RFTN1: variants seen among roughly 807,000 people sequenced by gnomAD.
RFTN1 encodes the protein raftlin.
A neutral mutation model predicts 46.5 loss-of-function variants in RFTN1; 26 were observed. The ratio of observed to expected loss-of-function variants is 0.56; its 90% confidence interval spans 0.41 to 0.78. The LOEUF is 0.78. Ranked by LOEUF, RFTN1 falls within the 30% of genes least tolerant of loss-of-function variation. RFTN1 has a pLI of 0.00. For missense variants in RFTN1, 693 were observed against 718.7 expected (o/e 0.96, Z 0.41); for synonymous variants, 261 against 284.2 (o/e 0.92, Z 0.82).
Position 16,452,099 on chromosome 3 carries a change from G to A in RFTN1, c.146-18062C>T, listed in dbSNP as rs904463198. Among the ~76,000 whole-genome samples, 1 of 152,122 alleles carries A rather than the reference G, an allele frequency of 6.6e-6. No homozygotes were observed. ...ATTTCACCATGCTACTCAGAATAGT[G>A]AGTAATTGAAAACTTATGCATTATT... is the stretch of plus-strand genomic sequence containing the variant. On this transcript the variant is annotated intron_variant, in intron 2 of 9. Coordinates refer to ENST00000334133, the MANE Select transcript of RFTN1 (RefSeq NM_015150.2). This position sits in a 1 kb window ranked among gnomAD's most constrained non-coding sequence, Gnocchi z 6.3.
In RFTN1 at chr3:16,458,010, A is replaced by G. The variant is rs1325428591; in HGVS notation, c.146-23973T>C. The stretch of plus-strand genomic sequence containing the variant: ...CTGGAGGATGCAAAAACAAGTCACT[A>G]TCTTGGAAGTGGAGATCAGCCCTCA... On this transcript the variant is annotated intron_variant, in intron 2 of 9. Coordinates refer to ENST00000334133, the MANE Select transcript of RFTN1 (RefSeq NM_015150.2). The surrounding 1 kb of genome is among the most constrained non-coding windows in gnomAD (Gnocchi z 5.1). 2.0e-5 allele frequency among the ~76,000 whole-genome samples: 3 copies of G among 152,186 alleles called. No homozygotes were observed. The highest frequency in any genetic ancestry group is 2.9e-5 in the Non-Finnish European group (2 of 68,022).
chr3:16,467,191 G>A (rs1005179322), intron 2 of RFTN1, among the ~76,000 whole-genome samples: 3 of 152,164 alleles, frequency 2.0e-5, no homozygotes, highest in African/African-American at 7.2e-5. Context: ...TGAAACAGAC[G>A]GATGCATAGA....
At position 16,403,016 on chromosome 3, in the gene RFTN1, G is replaced by A. The variant is rs1056597825; in HGVS notation, c.441+6359C>T. Among the ~76,000 whole-genome samples the A allele has an allele frequency of 2.6e-5, 4 of 152,166 alleles. No homozygotes were observed. The East Asian group carries it at 5.8e-4, about 22-fold the overall frequency. On this transcript the variant is annotated intron_variant, in intron 4 of 9. Transcript: ENST00000334133. ...TCTTATCTGGACAAGGGCAGGGAGC[G>A]TGGCTTTCTCCCGCAGGCAGGACGA...
intron 5 of RFTN1, chr3:16,371,030 C>T (rs2125362797): frequency 6.6e-6 from 1 of 152,356 alleles, no homozygotes; most frequent in African/African-American, 2.4e-5. Flanking sequence ...CAGTAGCAGC[C>T]TCCAGAAGCA....
chr3:16,375,368 A>G (rs1259638755), intron 5 of RFTN1, among the ~76,000 whole-genome samples: 1 of 151,984 alleles, frequency 6.6e-6, no homozygotes, highest in Non-Finnish European at 1.5e-5. Context: ...TGATAAAGAA[A>G]TTTAACTATA....
chr3:16,505,424 C>T (rs935658592), intron 1 of RFTN1, among the ~76,000 whole-genome samples: 2 of 152,244 alleles, frequency 1.3e-5, no homozygotes, highest in South Asian at 4.2e-4. Context: ...TCCAGAGAAA[C>T]AAAACCAGTC....
chr3:16,437,348 T>C (rs138817401), intron 2 of RFTN1, among the ~76,000 whole-genome samples: 2 of 152,188 alleles, frequency 1.3e-5, no homozygotes, highest in East Asian at 3.9e-4. Context: ...AGTCCAGCCA[T>C]AGAAGTACTA....
Position 16,345,264 on chromosome 3 carries a change from TTGTG to T in RFTN1, c.1146+12664_1146+12667del, listed in dbSNP as rs10703577. On this transcript the variant is annotated intron_variant, in intron 7 of 9. Coordinates refer to ENST00000334133, the MANE Select transcript of RFTN1 (RefSeq NM_015150.2). This position sits in a 1 kb window ranked among gnomAD's most constrained non-coding sequence, Gnocchi z 5.2. The stretch of plus-strand genomic sequence containing the variant: ...AAACTGTAAGATAATAAGTAGGTGG[TTGTG>T]TGTGTGTGTGTGTGTGTGTGTGTGT... 0.35 allele frequency: 50,292 copies of T among 145,666 alleles called. 9,413 individuals carry two copies. Among genetic ancestry groups the T allele is most frequent in the East Asian group, 0.44 (2,201 of 4,970 alleles). 9.0% of individuals were successfully genotyped at this position (145,666 alleles called of 1,614,324 possible).
In RFTN1 at chr3:16,474,138, A is replaced by C. The variant is rs140981503; in HGVS notation, c.145+19587T>G. Among the ~76,000 whole-genome samples, 1 of 152,182 alleles carries C rather than the reference A, an allele frequency of 6.6e-6. No homozygotes were observed. The highest frequency in any genetic ancestry group is 2.4e-5 in the African/African-American group (1 of 41,440). Reference sequence around the variant, plus strand: ...TGCATTTGGTATAAAAATAGCTATCATTTACTGAGAATTATCTAGGGGTCT... The same window carrying C: ...TGCATTTGGTATAAAAATAGCTATCCTTTACTGAGAATTATCTAGGGGTCT... On this transcript the variant is annotated intron_variant, in intron 2 of 9. Coordinates refer to ENST00000334133, the MANE Select transcript of RFTN1 (RefSeq NM_015150.2). This position sits in a 1 kb window ranked among gnomAD's most constrained non-coding sequence, Gnocchi z 5.5.
intron 8 of RFTN1, among the ~76,000 whole-genome samples, chr3:16,326,042 A>C (rs914644211): frequency 6.6e-6 from 1 of 152,238 alleles, no homozygotes; most frequent in Non-Finnish European, 1.5e-5. Flanking sequence ...TATGTGACCA[A>C]GCCTCCCCTA....
intron 4 of RFTN1, among the ~76,000 whole-genome samples, chr3:16,391,869 GTTTTTTT>G (rs576052890): frequency 1.7e-5 from 1 of 57,726 alleles, no homozygotes; most frequent in African/African-American, 3.6e-5. Flanking sequence ...TTTTTTTTTT[GTTTTTTT>G]TTTTTGTTTT....
chr3:16,396,630 T>G (rs1313326848), intron 4 of RFTN1, among the ~76,000 whole-genome samples: 2 of 152,162 alleles, frequency 1.3e-5, no homozygotes, highest in African/African-American at 4.8e-5. Context: ...TCATTGAGGA[T>G]TAGAAAACAC....
rs985511902 is a variant in RFTN1, at chr3:16,382,841, A to G, written c.442-4739T>C. 3.3e-5 allele frequency among the ~76,000 whole-genome samples: 5 copies of G among 152,142 alleles called. No individual in the cohort carries two copies. Among genetic ancestry groups the G allele is most frequent in the African/African-American group, 1.2e-4 (5 of 41,426 alleles). On this transcript the variant is annotated intron_variant, in intron 4 of 9. Transcript: ENST00000334133. This position sits in a 1 kb window ranked among gnomAD's most constrained non-coding sequence, Gnocchi z 4.7. ...CCCTCATCATCTGTTGCTGGACATC[A>G]CCATGACCTCAGGCGATGCCAGGGT... is the stretch of plus-strand genomic sequence containing the variant.
intron 1 of RFTN1, among the ~76,000 whole-genome samples, chr3:16,495,607 T>C (rs931969324): frequency 6.6e-6 from 1 of 152,106 alleles, no homozygotes; most frequent in Non-Finnish European, 1.5e-5. Context: ...TTTGATGACG[T>C]AGAGATGGAG....
At chr3:16,503,000 C>G (rs561873795) in intron 1 of RFTN1, among the ~76,000 whole-genome samples, 1 of 152,154 alleles carries the variant, frequency 6.6e-6, no homozygotes, top group Admixed American at 6.5e-5. Flanking sequence ...GACTCTTCAG[C>G]GGCCAAGTTT....
rs1018390827 is a variant in RFTN1, at chr3:16,361,438, G to C, written c.1031-3391C>G. Among the ~76,000 whole-genome samples the C allele has an allele frequency of 6.6e-6, 1 of 152,154 alleles. No individual in the cohort carries two copies. The highest frequency in any genetic ancestry group is 1.5e-5 in the Non-Finnish European group (1 of 68,022). On this transcript the variant is annotated intron_variant, in intron 6 of 9. Coordinates refer to ENST00000334133, the MANE Select transcript of RFTN1 (RefSeq NM_015150.2). This position sits in a 1 kb window ranked among gnomAD's most constrained non-coding sequence, Gnocchi z 4.3. Reference sequence around the variant, plus strand: ...ATCATGTCAGAGGTGATACATGCTAGAAAAATACTAAGTGGGCCAAGGGGA... The same window carrying C: ...ATCATGTCAGAGGTGATACATGCTACAAAAATACTAAGTGGGCCAAGGGGA...
Position 16,433,894 on chromosome 3 carries a change from G to T in RFTN1, c.289C>A (p.Leu97Met). ...AGGATGGCTCTAAAGATGTGCTCCA[G>T]GGGCGTCTTCTCCCGCTCATGGGTG... Reference protein sequence around the residue: ...QPTHEREKTPLEHIFRAILIK... With the variant: ...QPTHEREKTPMEHIFRAILIK... The change falls in exon 3 of 10, where the codon CTG becomes ATG. Residue 97 changes from leucine (L) to methionine (M), a missense_variant. Leu to Met is a conservative substitution (Grantham distance 15). Coordinates refer to ENST00000334133, the MANE Select transcript of RFTN1 (RefSeq NM_015150.2). This position sits in a 1 kb window ranked among gnomAD's most constrained non-coding sequence, Gnocchi z 4.4. The T allele has an allele frequency of 6.2e-7, 1 of 1,614,202 alleles. No individual in the cohort carries two copies. The highest frequency in any genetic ancestry group is 8.5e-7 in the Non-Finnish European group (1 of 1,180,030).
At position 16,511,755 on chromosome 3, in the gene RFTN1, A is replaced by C. The variant is rs574315163; in HGVS notation, c.-9+1687T>G. The stretch of plus-strand genomic sequence containing the variant: ...CCCTACAGACAAAGCAATTATTTGA[A>C]TGTAAGCCAAAAATTCCTGCTCAAG... On this transcript the variant is annotated intron_variant, in intron 1 of 9. Transcript: ENST00000334133. Among the ~76,000 whole-genome samples, 20 of 152,162 alleles carry C rather than the reference A, an allele frequency of 1.3e-4. No individual in the cohort carries two copies. In the South Asian group the frequency reaches 3.1e-3, roughly 24 times the overall value.
In RFTN1 at chr3:16,475,937, C is replaced by T. The variant is rs1476134830; in HGVS notation, c.145+17788G>A. Reference sequence around the variant, plus strand: ...CACCATGCCAACTGGGACTTTTTGTCTTCCCTTAAGAGTGTGAATACTGCA... The same window carrying T: ...CACCATGCCAACTGGGACTTTTTGTTTTCCCTTAAGAGTGTGAATACTGCA... On this transcript the variant is annotated intron_variant, in intron 2 of 9. Coordinates refer to ENST00000334133, the MANE Select transcript of RFTN1 (RefSeq NM_015150.2). The surrounding 1 kb of genome is among the most constrained non-coding windows in gnomAD (Gnocchi z 4.2). 6.6e-6 allele frequency among the ~76,000 whole-genome samples: 1 copy of T among 152,220 alleles called. No homozygotes were observed. The highest frequency in any genetic ancestry group is 2.4e-5 in the African/African-American group (1 of 41,458).
Sources: allele counts gnomAD v4.1 joint callset (sites outside exome capture counted in the v4.1 genomes callset), GRCh38; gene constraint gnomAD v4.1.1; non-coding constraint Gnocchi (gnomAD v3.1); transcripts MANE v1.5; gene names NCBI Gene and HGNC (gene_info 2026-07-23, HGNC 2026-07-21).